The following CTNNA3 variants were observed in gnomAD, a reference collection of about 807,000 sequenced individuals.
The protein encoded by CTNNA3 is catenin alpha 3.
In CTNNA3, 76 loss-of-function variants were observed where a neutral mutation model predicts 95.7. That is an observed-to-expected ratio of 0.79 (90% CI 0.66 to 0.96). The LOEUF (loss-of-function observed/expected upper bound fraction) is 0.96, where lower values mean the gene tolerates loss of function less well. Among genes scored for constraint, CTNNA3 ranks in the 40% least tolerant of loss-of-function variants. The probability of loss-of-function intolerance (pLI) is 0.00; values close to 1 mark genes in which losing one functional copy is unlikely to be tolerated. For missense variants in CTNNA3, 1,191 were observed against 1,089.8 expected, an observed-to-expected ratio of 1.09 and a Z score of -1.31; for synonymous variants, 431 against 374.4, an observed-to-expected ratio of 1.15 and a Z score of -1.74.
chr10:66,219,574 C>G (rs1199863167), intron 13 of CTNNA3, among the ~76,000 whole-genome samples: 1 of 152,082 alleles, frequency 6.6e-6, no homozygotes, highest in African/African-American at 2.4e-5. Flanking sequence ...CTCCTCTTAA[C>G]AGCCACATGA....
chr10:67,671,798 T>G (rs559234178), intron 1 of CTNNA3, among the ~76,000 whole-genome samples: 209 of 152,094 alleles, frequency 1.4e-3, no homozygotes, highest in African/African-American at 4.3e-3. Context: ...TTTGCTATTG[T>G]TAATAGTGCC....
chr10:67,033,284 A>G (rs954878432), intron 7 of CTNNA3, among the ~76,000 whole-genome samples: 4 of 152,316 alleles, frequency 2.6e-5, no homozygotes, highest in African/African-American at 9.6e-5. Context: ...AGCATTCAAA[A>G]GCATTATATC....
intron 7 of CTNNA3, among the ~76,000 whole-genome samples, chr10:67,096,229 T>C (rs1221525331): frequency 6.6e-6 from 1 of 151,820 alleles, no homozygotes; most frequent in Non-Finnish European, 1.5e-5. Flanking sequence ...TTACTTTTAT[T>C]AAAGAGATAA....
intron 11 of CTNNA3, among the ~76,000 whole-genome samples, chr10:66,419,202 T>A (rs1205814775): frequency 2.6e-5 from 4 of 152,036 alleles, no homozygotes; most frequent in Non-Finnish European, 4.4e-5. Context: ...AACATTTTTT[T>A]AAAGTAGTAT....
intron 7 of CTNNA3, among the ~76,000 whole-genome samples, chr10:66,992,224 G>T (rs1851081255): frequency 6.6e-6 from 1 of 152,240 alleles, no homozygotes; most frequent in South Asian, 2.1e-4. Flanking sequence ...GCTGTGAGAT[G>T]CAATTTTATT....
chr10:67,472,625 T>G (rs972333007), intron 5 of CTNNA3, among the ~76,000 whole-genome samples: 2 of 152,180 alleles, frequency 1.3e-5, no homozygotes, highest in Admixed American at 1.3e-4. Flanking sequence ...AGAAAACTCA[T>G]GCATAATCCA....
intron 7 of CTNNA3, among the ~76,000 whole-genome samples, chr10:66,983,800 A>C (rs991666864): frequency 1.3e-5 from 2 of 152,242 alleles, no homozygotes; most frequent in East Asian, 1.9e-4. Flanking sequence ...TTTGCTGTTA[A>C]AATGTACTAC....
chr10:67,219,359 G>A (rs1016178829), intron 6 of CTNNA3, among the ~76,000 whole-genome samples: 3 of 152,064 alleles, frequency 2.0e-5, no homozygotes, highest in Non-Finnish European at 2.9e-5. Flanking sequence ...TCATCATTTC[G>A]ATCTAATTAA....
At chr10:66,175,584 G>C (rs2085664112) in intron 13 of CTNNA3, among the ~76,000 whole-genome samples, 1 of 152,172 alleles carries the variant, frequency 6.6e-6, no homozygotes, top group African/African-American at 2.4e-5. Context: ...GTAGGAGCTT[G>C]AGACATTTGG....
Position 67,596,881 on chromosome 10 carries a change from C to T in CTNNA3, c.292+9976G>A, listed in dbSNP as rs1842946516. Among the ~76,000 whole-genome samples, 2 of 152,202 alleles carry T rather than the reference C, an allele frequency of 1.3e-5. 1 individual carries two copies. Among genetic ancestry groups the T allele is most frequent in the South Asian group, 4.2e-4 (2 of 4,818 alleles). On this transcript the variant is annotated intron_variant, in intron 3 of 17. Coordinates refer to ENST00000433211, the MANE Select transcript of CTNNA3 (RefSeq NM_013266.4). ...ATGTTTTCCAAGGCATTCTCTCTTT[C>T]CCTCTCTTTCAGGGATGCCAATGAG...
intron 15 of CTNNA3, among the ~76,000 whole-genome samples, chr10:65,993,992 C>T (rs544751152): frequency 1.3e-5 from 2 of 152,230 alleles, no homozygotes; most frequent in African/African-American, 4.8e-5. Context: ...CCTCAGCCTC[C>T]CAAAGTGCTG....
intron 1 of CTNNA3, among the ~76,000 whole-genome samples, chr10:67,716,291 A>C (rs781490206): frequency 6.6e-6 from 1 of 152,166 alleles, no homozygotes; most frequent in African/African-American, 2.4e-5. Flanking sequence ...GATCTTTTCT[A>C]ATTCTGATTG....
chr10:67,451,844 A>G (rs985641033), intron 5 of CTNNA3, among the ~76,000 whole-genome samples: 5 of 152,132 alleles, frequency 3.3e-5, no homozygotes, highest in African/African-American at 7.2e-5. Context: ...TTACCATTTT[A>G]TTCATTCAGT....
At chr10:65,950,506 T>C (rs1416193289) in intron 17 of CTNNA3, among the ~76,000 whole-genome samples, 1 of 152,218 alleles carries the variant, frequency 6.6e-6, no homozygotes, top group Non-Finnish European at 1.5e-5. Context: ...TTCCTTCAGC[T>C]GCACTTTGCC....
chr10:66,496,348 T>C (rs1028936127), intron 11 of CTNNA3, among the ~76,000 whole-genome samples: 12 of 152,168 alleles, frequency 7.9e-5, no homozygotes. Context: ...AGTTGTATTT[T>C]AAAACGATAT....
chr10:66,196,761 G>C (rs79413239), intron 13 of CTNNA3, among the ~76,000 whole-genome samples: 2 of 152,134 alleles, frequency 1.3e-5, no homozygotes, highest in African/African-American at 4.8e-5. Context: ...CAGGCAGAAC[G>C]GAGCAATGGA....
intron 7 of CTNNA3, among the ~76,000 whole-genome samples, chr10:66,986,647 A>G (rs1004160186): frequency 6.6e-6 from 1 of 152,174 alleles, no homozygotes; most frequent in Non-Finnish European, 1.5e-5. Context: ...AGAATTTTAG[A>G]ATGAATCAAC....
chr10:67,191,819 A>C (rs556236055), intron 6 of CTNNA3, among the ~76,000 whole-genome samples: 49 of 152,124 alleles, frequency 3.2e-4, no homozygotes, highest in Middle Eastern at 6.8e-3. Flanking sequence ...AACTGGAGGG[A>C]TCACACTTCC....
intron 11 of CTNNA3, among the ~76,000 whole-genome samples, chr10:66,429,393 A>T (rs921108376): frequency 1.3e-5 from 2 of 151,716 alleles, no homozygotes; most frequent in Middle Eastern, 3.2e-3. Context: ...ATCCTCCCTA[A>T]CTCATTTTAT....
Sources: allele counts gnomAD v4.1 joint callset (sites outside exome capture counted in the v4.1 genomes callset), GRCh38; gene constraint gnomAD v4.1.1; transcripts MANE v1.5; gene names NCBI Gene and HGNC (gene_info 2026-07-23, HGNC 2026-07-21).